Variants in EXOC6B observed in about 807,000 individuals in gnomAD.
EXOC6B encodes the protein exocyst complex component 6B.
A neutral mutation model predicts 113.5 loss-of-function variants in EXOC6B; 54 were observed. The observed-to-expected ratio is 0.48, with a 90% CI of 0.38 to 0.60. EXOC6B has a LOEUF of 0.60. Ranked by LOEUF, EXOC6B falls within the 20% of genes least tolerant of loss-of-function variation. The pLI is 0.00. For synonymous variants in EXOC6B, 357 were observed against 339.0 expected (o/e 1.05, Z -0.58); for missense variants, 797 against 977.5 (o/e 0.82, Z 2.46).
At chr2:72,408,586 G>A (rs1477961396) in intron 18 of EXOC6B, among the ~76,000 whole-genome samples, 1 of 152,144 alleles carries the variant, frequency 6.6e-6, no homozygotes, top group Non-Finnish European at 1.5e-5. Context: ...TCTGATGTTT[G>A]ACAAACCTGA....
chr2:72,692,093 C>T (rs555190445), intron 6 of EXOC6B, among the ~76,000 whole-genome samples: 8 of 152,058 alleles, frequency 5.3e-5, no homozygotes, highest in East Asian at 1.9e-4. Flanking sequence ...AAAGAATAAA[C>T]GAACAAAGGT....
At chr2:72,666,777 A>G (rs1284531030) in intron 6 of EXOC6B, among the ~76,000 whole-genome samples, 1 of 114,686 alleles carries the variant, frequency 8.7e-6, no homozygotes, top group Non-Finnish European at 1.7e-5. Context: ...CCCATTTACA[A>G]TAGACACACA....
intron 6 of EXOC6B, among the ~76,000 whole-genome samples, chr2:72,660,294 G>C (rs150537541): frequency 3.7e-4 from 57 of 152,178 alleles, no homozygotes; most frequent in African/African-American, 1.4e-3. Flanking sequence ...CTGTAGAAGA[G>C]TATTAAGAAA....
chr2:72,731,382 G>T, intron 3 of EXOC6B, 137 bp from the exon 4 acceptor site: 2 of 662,194 alleles, frequency 3.0e-6, no homozygotes, highest in South Asian at 3.9e-5. Flanking sequence ...GTGAACTAAG[G>T]AACTGCCTTT....
chr2:72,715,670 TGTTTGTCTCTG>T (rs1353044640), intron 6 of EXOC6B, among the ~76,000 whole-genome samples: 7 of 152,080 alleles, frequency 4.6e-5, no homozygotes, highest in Non-Finnish European at 7.4e-5. Flanking sequence ...CAGAGAATAT[TGTTTGTCTCTG>T]GTTCTTCCCT....
chr2:72,701,487 T>G (rs1678342696), intron 6 of EXOC6B, among the ~76,000 whole-genome samples: 1 of 152,024 alleles, frequency 6.6e-6, no homozygotes, highest in Non-Finnish European at 1.5e-5. Context: ...CAGGAAAATA[T>G]TAAAACTCTT....
At chr2:72,296,761 G>C (rs1312617221) in intron 20 of EXOC6B, among the ~76,000 whole-genome samples, 1 of 152,102 alleles carries the variant, frequency 6.6e-6, no homozygotes, top group Admixed American at 6.5e-5. Flanking sequence ...ATTAAGCAAA[G>C]GAAAATGCAA....
intron 17 of EXOC6B, among the ~76,000 whole-genome samples, chr2:72,472,385 C>T (rs1014933252): frequency 6.6e-6 from 1 of 151,980 alleles, no homozygotes; most frequent in Non-Finnish European, 1.5e-5. Flanking sequence ...CAATCACTGC[C>T]CGTTATTGGT....
At chr2:72,735,316 G>C (rs888654284) in intron 2 of EXOC6B, among the ~76,000 whole-genome samples, 2 of 152,046 alleles carry the variant, frequency 1.3e-5, no homozygotes, top group African/African-American at 4.8e-5. Context: ...CAGTACACAA[G>C]TATAGGGAAC....
chr2:72,630,416 A>G lies in EXOC6B; in HGVS notation c.670-54748T>C, dbSNP rs113105538. On this transcript the variant is annotated intron_variant, in intron 6 of 21. Transcript: ENST00000272427. Reference sequence around the variant, plus strand: ...CAGGCCTATACTGCCCATGGAAATAAACATCTAGAGATTAACAGTAACTAA... The same window carrying G: ...CAGGCCTATACTGCCCATGGAAATAGACATCTAGAGATTAACAGTAACTAA... Among the ~76,000 whole-genome samples, 23 of 152,330 alleles carry G rather than the reference A, an allele frequency of 1.5e-4. 2 individuals are homozygous for G. Among genetic ancestry groups the G allele is most frequent in the African/African-American group, 4.6e-4 (19 of 41,580 alleles).
intron 20 of EXOC6B, among the ~76,000 whole-genome samples, chr2:72,322,810 C>T (rs1357344420): frequency 1.3e-5 from 2 of 152,072 alleles, no homozygotes; most frequent in Non-Finnish European, 2.9e-5. Flanking sequence ...AAACTGGACC[C>T]CTTCCTTACA....
chr2:72,179,452 A>G lies in EXOC6B; in HGVS notation c.2319T>C (p.Asp773=), dbSNP rs1677951337. ...TALTLLEKMK[D]TSRKNNMFAQ... ...CAAACATGTTGTTCTTGCGGCTAGT[A>G]TCCTTCATCCTAAACAGAGAAGGAA... Residue 773 remains aspartate, a synonymous_variant, in exon 22 of 22, where the codon GAT becomes GAC. Transcript: ENST00000272427. 1 of 1,613,790 alleles carries G rather than the reference A, an allele frequency of 6.2e-7. No individual in the cohort carries two copies. Among genetic ancestry groups the G allele is most frequent in the Admixed American group, 1.7e-5 (1 of 60,002 alleles).
chr2:72,657,748 C>G (rs1030854690), intron 6 of EXOC6B, among the ~76,000 whole-genome samples: 2 of 150,950 alleles, frequency 1.3e-5, no homozygotes, highest in African/African-American at 4.9e-5. Context: ...CTTAGAGAAT[C>G]TACCATAAGA....
chr2:72,618,332 G>T (rs1671531956), intron 6 of EXOC6B, among the ~76,000 whole-genome samples: 1 of 152,024 alleles, frequency 6.6e-6, no homozygotes, highest in Admixed American at 6.6e-5. Flanking sequence ...TCGCACCATT[G>T]CACTCCAGCC....
At chr2:72,626,196 G>A (rs767185813) in intron 6 of EXOC6B, among the ~76,000 whole-genome samples, 4 of 152,048 alleles carry the variant, frequency 2.6e-5, no homozygotes, top group Non-Finnish European at 4.4e-5. Context: ...ATTCATTCTT[G>A]TAGATGAACT....
At chr2:72,423,183 G>A (rs112781428) in intron 18 of EXOC6B, among the ~76,000 whole-genome samples, 3,471 of 151,960 alleles carry the variant, frequency 0.023, 146 homozygotes, top group African/African-American at 0.078. Flanking sequence ...TGCCTTAAGA[G>A]CTGTAACACT....
At chr2:72,588,867 C>G (rs1371243263) in intron 6 of EXOC6B, among the ~76,000 whole-genome samples, 1 of 151,936 alleles carries the variant, frequency 6.6e-6, no homozygotes, top group Non-Finnish European at 1.5e-5. Context: ...GAAATTTTTA[C>G]AGAATTCTTT....
chr2:72,193,674 G>A (rs1040618901), intron 20 of EXOC6B, among the ~76,000 whole-genome samples: 2 of 152,164 alleles, frequency 1.3e-5, no homozygotes, highest in Non-Finnish European at 2.9e-5. Context: ...ATCTAAGCCT[G>A]AGCCAGGTAG....
chr2:72,401,509 A>ATG (rs1693168671), intron 18 of EXOC6B, among the ~76,000 whole-genome samples: 1 of 42,158 alleles, frequency 2.4e-5, no homozygotes, highest in South Asian at 4.7e-4. Flanking sequence ...ATATATATAT[A>ATG]TATATACATA....
Sources: allele counts gnomAD v4.1 joint callset (sites outside exome capture counted in the v4.1 genomes callset), GRCh38; gene constraint gnomAD v4.1.1; transcripts MANE v1.5; gene names NCBI Gene and HGNC (gene_info 2026-07-23, HGNC 2026-07-21).